CACNA2D1: variants seen among roughly 807,000 people sequenced by gnomAD.
CACNA2D1 encodes the protein calcium voltage-gated channel auxiliary subunit alpha2delta 1.
Under a neutral mutation model 171.5 loss-of-function variants are expected in CACNA2D1, and 53 were observed. The ratio of observed to expected loss-of-function variants is 0.31; its 90% CI spans 0.25 to 0.39. The LOEUF is 0.39. Ranked by LOEUF, CACNA2D1 falls within the 10% of genes least tolerant of loss-of-function variation. CACNA2D1 has a pLI of 1.00. For missense variants in CACNA2D1, 903 were observed against 1,299.8 expected (o/e 0.69, Z 4.69); for synonymous variants, 442 against 443.1 (o/e 1.00, Z 0.03).
chr7:82,092,312 T>A (rs1811266185), intron 6 of CACNA2D1, among the ~76,000 whole-genome samples: 1 of 152,192 alleles, frequency 6.6e-6, no homozygotes, highest in Non-Finnish European at 1.5e-5. Flanking sequence ...TAAAATAAAG[T>A]AGAAACTTTA....
chr7:82,284,018 A>G (rs1379206135), intron 3 of CACNA2D1, among the ~76,000 whole-genome samples: 1 of 151,992 alleles, frequency 6.6e-6, no homozygotes, highest in Non-Finnish European at 1.5e-5. Context: ...GGTCTGTTTA[A>G]GCAAAACTTC....
chr7:82,334,754 G>A (rs1270389312), intron 3 of CACNA2D1, among the ~76,000 whole-genome samples: 1 of 151,976 alleles, frequency 6.6e-6, no homozygotes, highest in Admixed American at 6.6e-5. Flanking sequence ...TGGAATAAGA[G>A]ACTATACAAC....
chr7:82,117,934 C>A (rs994586615), intron 5 of CACNA2D1, among the ~76,000 whole-genome samples: 1 of 152,024 alleles, frequency 6.6e-6, no homozygotes, highest in Non-Finnish European at 1.5e-5. Flanking sequence ...GATTCTTTGA[C>A]AAATAATGGT....
intron 3 of CACNA2D1, among the ~76,000 whole-genome samples, chr7:82,188,707 C>T (rs1432948204): frequency 6.6e-6 from 1 of 152,060 alleles, no homozygotes; most frequent in African/African-American, 2.4e-5. Flanking sequence ...CTACCATAGA[C>T]ACATGCATGC....
At chr7:82,278,919 A>C (rs932608712) in intron 3 of CACNA2D1, among the ~76,000 whole-genome samples, 1 of 152,178 alleles carries the variant, frequency 6.6e-6, no homozygotes, top group African/African-American at 2.4e-5. Flanking sequence ...AACAGAACAC[A>C]TGAATTGGTT....
chr7:82,288,723 A>G (rs1039024300), intron 3 of CACNA2D1, among the ~76,000 whole-genome samples: 1 of 152,184 alleles, frequency 6.6e-6, no homozygotes, highest in Admixed American at 6.5e-5. Flanking sequence ...CCAAAAGAAC[A>G]GCTGCCTATG....
intron 1 of CACNA2D1, among the ~76,000 whole-genome samples, chr7:82,422,775 A>G (rs1356685508): frequency 6.6e-6 from 1 of 152,118 alleles, no homozygotes; most frequent in Admixed American, 6.6e-5. Context: ...GATATAATTT[A>G]TGCCTTGGTT....
At chr7:82,198,949 G>A (rs1799131051) in intron 3 of CACNA2D1, among the ~76,000 whole-genome samples, 1 of 151,946 alleles carries the variant, frequency 6.6e-6, no homozygotes, top group South Asian at 2.1e-4. Flanking sequence ...GGTTATAATT[G>A]TGTATTCTCA....
intron 1 of CACNA2D1, among the ~76,000 whole-genome samples, chr7:82,378,706 T>G (rs1823308223): frequency 6.6e-6 from 1 of 152,186 alleles, no homozygotes; most frequent in African/African-American, 2.4e-5. Context: ...TCTTAATACA[T>G]TAGCATCCTA....
intron 3 of CACNA2D1, among the ~76,000 whole-genome samples, chr7:82,286,055 G>A (rs970160831): frequency 6.6e-6 from 1 of 151,964 alleles, no homozygotes; most frequent in Non-Finnish European, 1.5e-5. Context: ...TCTCTGCTCT[G>A]CCACGCCCCC....
intron 4 of CACNA2D1, among the ~76,000 whole-genome samples, chr7:82,140,509 G>A (rs1023264652): frequency 4.6e-5 from 7 of 152,156 alleles, no homozygotes; most frequent in African/African-American, 1.7e-4. Flanking sequence ...GGCATCAGGA[G>A]TTGGAGAAAC....
intron 18 of CACNA2D1, among the ~76,000 whole-genome samples, chr7:82,003,917 G>A (rs1278724149): frequency 6.6e-6 from 1 of 151,860 alleles, no homozygotes; most frequent in Non-Finnish European, 1.5e-5. Context: ...GGCTAATTTT[G>A]TATTTTTAGT....
intron 1 of CACNA2D1, among the ~76,000 whole-genome samples, chr7:82,360,107 T>C (rs954226662): frequency 6.6e-6 from 1 of 152,192 alleles, no homozygotes; most frequent in Non-Finnish European, 1.5e-5. Context: ...ACTGGTGCCA[T>C]GATCTGATTC....
chr7:82,099,419 CTTCTTTTTTTTTTTTTTTTTTTT>C (rs1351045709), intron 6 of CACNA2D1, among the ~76,000 whole-genome samples: 923 of 50,538 alleles, frequency 0.018, 107 homozygotes, highest in Non-Finnish European at 0.029. Flanking sequence ...GTAGCAATAC[CTTCTTTTTTTTTTTTTTTTTTTT>C]TTTTTTTTTT....
Position 81,948,576 on chromosome 7 carries a change from C to G in CACNA2D1, c.*1816G>C, listed in dbSNP as rs981033922. 6.6e-6 allele frequency: 1 copy of G among 151,626 alleles called. No individual in the cohort carries two copies. The highest frequency in any genetic ancestry group is 1.5e-5 in the Non-Finnish European group (1 of 67,788). 9.4% of individuals were successfully genotyped at this position (151,626 alleles called of 1,614,324 possible). On this transcript the variant is annotated 3_prime_UTR_variant, in exon 39 of 39. Transcript: ENST00000356860. The stretch of plus-strand genomic sequence containing the variant: ...AAAACAAATGTTATCTTTTAAGCTA[C>G]GTTAAATTATTGGTTATATCTTTGA...
At chr7:82,202,768 G>T (rs527643410) in intron 3 of CACNA2D1, among the ~76,000 whole-genome samples, 1 of 152,172 alleles carries the variant, frequency 6.6e-6, no homozygotes, top group Non-Finnish European at 1.5e-5. Context: ...GACCCCATTA[G>T]GTCTGATACA....
intron 3 of CACNA2D1, among the ~76,000 whole-genome samples, chr7:82,304,141 G>A (rs1224569547): frequency 5.3e-5 from 8 of 151,964 alleles, no homozygotes; most frequent in African/African-American, 9.7e-5. Context: ...ACCACAATGC[G>A]TTATTATCTT....
chr7:82,374,444 T>C (rs1021593205), intron 1 of CACNA2D1, among the ~76,000 whole-genome samples: 1 of 152,122 alleles, frequency 6.6e-6, no homozygotes, highest in African/African-American at 2.4e-5. Context: ...AATGTACAAA[T>C]GGATCAAGAC....
chr7:82,103,225 G>T (rs1178103015), intron 6 of CACNA2D1, among the ~76,000 whole-genome samples: 1 of 152,242 alleles, frequency 6.6e-6, no homozygotes, highest in East Asian at 1.9e-4. Flanking sequence ...AGAGAATCGC[G>T]TGAACCAGGA....
Sources: allele counts gnomAD v4.1 joint callset (sites outside exome capture counted in the v4.1 genomes callset), GRCh38; gene constraint gnomAD v4.1.1; transcripts MANE v1.5; gene names NCBI Gene and HGNC (gene_info 2026-07-23, HGNC 2026-07-21).